Variants in GABRB1 observed in about 807,000 individuals in gnomAD.
The protein encoded by GABRB1 is gamma-aminobutyric acid type A receptor subunit beta1, also known as gamma-aminobutyric acid receptor subunit beta-1.
A neutral mutation model predicts 51.6 loss-of-function variants in GABRB1; 17 were observed. That is an observed-to-expected ratio of 0.33 (90% CI 0.23 to 0.49). GABRB1 has a LOEUF of 0.49. GABRB1 is among the 20% of genes least tolerant of loss of function. The pLI, the probability that GABRB1 is intolerant of heterozygous loss-of-function variation, is 0.99. For missense variants in GABRB1, 410 were observed against 600.6 expected, an observed-to-expected ratio of 0.68 and a Z score of 3.32; for synonymous variants, 247 against 218.9, an observed-to-expected ratio of 1.13 and a Z score of -1.14.
rs796197341 is a variant in GABRB1 at position 47,127,929 on chromosome 4, T to C, written c.241-33320T>C. On this transcript the variant is annotated intron_variant, in intron 3 of 8. Coordinates refer to ENST00000295454, the MANE Select transcript of GABRB1 (RefSeq NM_000812.4). ...ACGCTAAAAGTTTAATTTAACTAAA[T>C]TAAAGCAGGAAAAGGAGAAAAATAA... 2.8e-4 allele frequency among the ~76,000 whole-genome samples: 42 copies of C among 151,258 alleles called. 1 individual carries two copies. The highest frequency in any genetic ancestry group is 9.7e-4 in the African/African-American group (40 of 41,284).
At chr4:47,101,389 T>C (rs1322805670) in intron 3 of GABRB1, among the ~76,000 whole-genome samples, 1 of 150,984 alleles carries the variant, frequency 6.6e-6, no homozygotes, top group Admixed American at 6.8e-5. Context: ...TGATTTTAAA[T>C]ATGAAAAAAG....
chr4:47,393,795 A>G (rs942594531), intron 5 of GABRB1, among the ~76,000 whole-genome samples: 10 of 152,358 alleles, frequency 6.6e-5, no homozygotes, highest in African/African-American at 2.4e-4. Context: ...TAGTTTGCTT[A>G]GACTGCTATT....
At chr4:47,155,150 G>C (rs1717635823) in intron 3 of GABRB1, among the ~76,000 whole-genome samples, 1 of 152,068 alleles carries the variant, frequency 6.6e-6, no homozygotes, top group South Asian at 2.1e-4. Context: ...ATGTGACTCT[G>C]TTCAAGCAGC....
intron 5 of GABRB1, among the ~76,000 whole-genome samples, chr4:47,402,862 A>G (rs1052037826): frequency 2.0e-5 from 3 of 147,484 alleles, no homozygotes; most frequent in Non-Finnish European, 4.6e-5. Context: ...TAATGGCTAT[A>G]TATAAACTTG....
rs576850553 is a variant in GABRB1 at position 47,310,998 on chromosome 4, T to C, written c.462-9129T>C. 6.4e-4 allele frequency among the ~76,000 whole-genome samples: 87 copies of C among 135,572 alleles called. 1 individual carries two copies. Among genetic ancestry groups the C allele is most frequent in the Admixed American group, 2.0e-3 (25 of 12,792 alleles). The allele number at this position is 135,572 out of a possible 152,430, so 88.9% of individuals were successfully genotyped here. A position where few individuals can be genotyped will look rare whatever the true frequency, so the allele number is the denominator to read the frequency against. On this transcript the variant is annotated intron_variant, in intron 4 of 8. Transcript: ENST00000295454. ...ATAGCTTGAACCTGGGAGGCAGAGG[T>C]TGCAGTGAGCCAAGATCGCACCACT...
intron 3 of GABRB1, among the ~76,000 whole-genome samples, chr4:47,085,913 G>T (rs1728037266): frequency 6.6e-6 from 1 of 152,202 alleles, no homozygotes; most frequent in African/African-American, 2.4e-5. Flanking sequence ...GCCTCTGAAG[G>T]CCTAGGTGGA....
At chr4:47,067,092 G>C (rs1225988974) in intron 3 of GABRB1, among the ~76,000 whole-genome samples, 1 of 152,146 alleles carries the variant, frequency 6.6e-6, no homozygotes. Flanking sequence ...TGGGTGACCA[G>C]GTACATTGTT....
intron 4 of GABRB1, among the ~76,000 whole-genome samples, chr4:47,239,390 C>T (rs114872118): frequency 0.01 from 1,573 of 152,092 alleles, 16 homozygotes; most frequent in Middle Eastern, 0.027. Flanking sequence ...TGGGTTATTT[C>T]CAGGTTTTGG....
intron 4 of GABRB1, among the ~76,000 whole-genome samples, chr4:47,197,427 A>T (rs1719726762): frequency 6.6e-6 from 1 of 152,166 alleles, no homozygotes; most frequent in South Asian, 2.1e-4. Context: ...GTGATGGCCC[A>T]TTTTTGTTGA....
intron 3 of GABRB1, among the ~76,000 whole-genome samples, chr4:47,154,682 G>C (rs1717614131): frequency 6.6e-6 from 1 of 151,998 alleles, no homozygotes; most frequent in Non-Finnish European, 1.5e-5. Context: ...AGTGGAATTT[G>C]GTGTCAGGAT....
At chr4:47,165,592 A>T (rs1166949410) in intron 4 of GABRB1, among the ~76,000 whole-genome samples, 1 of 152,112 alleles carries the variant, frequency 6.6e-6, no homozygotes, top group Non-Finnish European at 1.5e-5. Context: ...TTTTTAAATT[A>T]TTCTTGTTCT....
At chr4:47,421,561 C>T (rs953187546) in intron 8 of GABRB1, among the ~76,000 whole-genome samples, 1 of 152,178 alleles carries the variant, frequency 6.6e-6, no homozygotes, top group African/African-American at 2.4e-5. Flanking sequence ...GAAAACCTTC[C>T]ATTTATAGAT....
intron 3 of GABRB1, among the ~76,000 whole-genome samples, chr4:47,142,664 C>T (rs1716982777): frequency 6.6e-6 from 1 of 151,674 alleles, no homozygotes; most frequent in African/African-American, 2.4e-5. Context: ...TACATCGTGG[C>T]CTTAACTAAG....
chr4:47,001,984 T>C (rs1243519111), intron 1 of GABRB1, among the ~76,000 whole-genome samples: 1 of 152,214 alleles, frequency 6.6e-6, no homozygotes, highest in African/African-American at 2.4e-5. Context: ...TTATTAGTCT[T>C]AGGATAGGCA....
Position 47,395,737 on chromosome 4 carries a change from C to G in GABRB1, c.545-7581C>G, listed in dbSNP as rs140032328. Among the ~76,000 whole-genome samples, 762 of 152,242 alleles carry G rather than the reference C, an allele frequency of 5.0e-3. 7 individuals carry two copies. The highest frequency in any genetic ancestry group is 0.017 in the African/African-American group (693 of 41,524). ...TTAAAAGTTTAGAGTGAAAATTTCC[C>G]TTTCATCCTTATCATCCATCTTCCT... On this transcript the variant is annotated intron_variant, in intron 5 of 8. Coordinates refer to ENST00000295454, the MANE Select transcript of GABRB1 (RefSeq NM_000812.4).
At chr4:47,288,243 C>T (rs952565673) in intron 4 of GABRB1, among the ~76,000 whole-genome samples, 1 of 148,184 alleles carries the variant, frequency 6.7e-6, no homozygotes, top group African/African-American at 2.5e-5. Flanking sequence ...GGGCTTATTA[C>T]TATTATTATT....
chr4:47,039,967 G>A (rs1725764619), intron 3 of GABRB1, among the ~76,000 whole-genome samples: 1 of 152,056 alleles, frequency 6.6e-6, no homozygotes, highest in Non-Finnish European at 1.5e-5. Flanking sequence ...TTTCTGAAAG[G>A]ATACACAAAA....
At chr4:47,298,560 T>C (rs1466142891) in intron 4 of GABRB1, among the ~76,000 whole-genome samples, 1 of 152,144 alleles carries the variant, frequency 6.6e-6, no homozygotes, top group Non-Finnish European at 1.5e-5. Context: ...CAAGGAGAAC[T>C]ACAAACCACT....
chr4:47,291,425 C>T (rs554345585), intron 4 of GABRB1, among the ~76,000 whole-genome samples: 72 of 152,178 alleles, frequency 4.7e-4, no homozygotes, highest in Non-Finnish European at 7.8e-4. Flanking sequence ...AATGTGGTGT[C>T]GGAGCCCCCC....
Sources: allele counts gnomAD v4.1 joint callset (sites outside exome capture counted in the v4.1 genomes callset), GRCh38; gene constraint gnomAD v4.1.1; transcripts MANE v1.5; gene names NCBI Gene and HGNC (gene_info 2026-07-23, HGNC 2026-07-21).